Variants in CDKL3 observed in about 807,000 individuals in gnomAD.
The protein encoded by CDKL3 is cyclin dependent kinase like 3.
CDKL3 carries 65 observed loss-of-function variants against 69.3 expected under a neutral mutation model. The ratio of observed to expected loss-of-function variants is 0.94; its 90% confidence interval spans 0.77 to 1.15. The LOEUF is 1.15. Among genes scored for constraint, CDKL3 ranks in the 50% most tolerant of loss-of-function variants. CDKL3 has a pLI of 0.00. For synonymous variants in CDKL3, 202 were observed against 221.6 expected, an observed-to-expected ratio of 0.91 and a Z score of 0.79; for missense variants, 652 against 689.2, an observed-to-expected ratio of 0.95 and a Z score of 0.61.
downstream of CDKL3, among the ~76,000 whole-genome samples, chr5:134,295,177 C>A (rs184481392): frequency 2.6e-5 from 4 of 151,908 alleles, no homozygotes; most frequent in African/African-American, 9.7e-5. Context: ...CCACCACATA[C>A]AGCTAATTTT....
At chr5:134,355,831 A>G (rs1210108357) in intron 3 of CDKL3, among the ~76,000 whole-genome samples, 4 of 152,168 alleles carry the variant, frequency 2.6e-5, no homozygotes, top group African/African-American at 9.7e-5. Flanking sequence ...GCTGCTGTGG[A>G]GACATGGCAT....
chr5:134,321,940 T>G (rs1214215307), intron 4 of CDKL3, 37 bp from the exon 5 acceptor site: 1 of 1,076,350 alleles, frequency 9.3e-7, no homozygotes, highest in East Asian at 2.5e-5. Context: ...CACTTTTTCA[T>G]GTAGAAATTT....
At chr5:134,290,238 C>G (rs1040970911) in intron 8 of CDKL3, among the ~76,000 whole-genome samples, 1 of 151,084 alleles carries the variant, frequency 6.6e-6, no homozygotes, top group Non-Finnish European at 1.5e-5. Context: ...CCTGTAATCC[C>G]AGGTACTCGG....
At chr5:134,303,415 A>G (rs796488562) in intron 11 of CDKL3, among the ~76,000 whole-genome samples, 2 of 152,322 alleles carry the variant, frequency 1.3e-5, no homozygotes, top group African/African-American at 4.8e-5. Context: ...TGCTCAAAAT[A>G]CATATAAAAT....
chr5:134,367,082 C>A lies in CDKL3; in HGVS notation c.-127G>T. 4 of 986,618 alleles carry A rather than the reference C, an allele frequency of 4.1e-6. No homozygotes were observed. In the South Asian group the frequency reaches 1.9e-4, roughly 46 times the overall value. The allele number at this position is 986,618 out of a possible 1,614,324, so 61.1% of individuals were successfully genotyped here. A position where few individuals can be genotyped will look rare whatever the true frequency, so the allele number is the denominator to read the frequency against. On this transcript the variant is annotated 5_prime_UTR_variant, in exon 1 of 13. Transcript: ENST00000265334. Reference sequence around the variant, plus strand: ...CTGGCTCTGCGTAGTTCCAGTGGAGCCACCGAACACTGATACTACTTTGTT... The same window carrying A: ...CTGGCTCTGCGTAGTTCCAGTGGAGACACCGAACACTGATACTACTTTGTT...
intron 4 of CDKL3, among the ~76,000 whole-genome samples, chr5:134,323,485 A>T (rs1300317977): frequency 6.6e-6 from 1 of 152,226 alleles, no homozygotes; most frequent in African/African-American, 2.4e-5. Context: ...TTATACAACA[A>T]GCAAGATAGT....
intron 4 of CDKL3, among the ~76,000 whole-genome samples, chr5:134,337,703 T>A (rs1279153177): frequency 1.3e-5 from 2 of 152,142 alleles, no homozygotes; most frequent in South Asian, 2.1e-4. Context: ...TTTAAAATTT[T>A]AAAAAAATTG....
intron 4 of CDKL3, among the ~76,000 whole-genome samples, chr5:134,336,139 A>G (rs970230030): frequency 6.6e-6 from 1 of 152,158 alleles, no homozygotes; most frequent in Non-Finnish European, 1.5e-5. Context: ...TGTATGCTTC[A>G]TGAAGTTTTT....
chr5:134,295,011 C>CTTTTTTT (rs869256167), downstream of CDKL3, among the ~76,000 whole-genome samples: 26 of 100,412 alleles, frequency 2.6e-4, 1 homozygote, highest in South Asian at 3.3e-4. Flanking sequence ...ATTTTTTTTT[C>CTTTTTTT]TTTTTTTTTT....
At chr5:134,311,761 C>T (rs1417222830) in intron 7 of CDKL3, among the ~76,000 whole-genome samples, 5 of 152,028 alleles carry the variant, frequency 3.3e-5, no homozygotes, top group African/African-American at 4.8e-5. Context: ...AACTGTGTAA[C>T]GAATGTTAGT....
intron 4 of CDKL3, among the ~76,000 whole-genome samples, chr5:134,323,666 AAC>A (rs1773388452): frequency 6.6e-6 from 1 of 152,208 alleles, no homozygotes; most frequent in Non-Finnish European, 1.5e-5. Context: ...ACATACAAAA[AAC>A]TGAATCTAGA....
In CDKL3 at chr5:134,304,024, C is replaced by T. The variant is rs570462595; in HGVS notation, c.1621+381G>A. Among the ~76,000 whole-genome samples the T allele has an allele frequency of 2.6e-5, 4 of 151,522 alleles. No homozygotes were observed. The East Asian group carries it at 7.7e-4, about 29-fold the overall frequency. On this transcript the variant is annotated intron_variant, in intron 11 of 12. Transcript: ENST00000265334. The stretch of plus-strand genomic sequence containing the variant: ...TCATGGCTCACTGCAGTCTCAACTT[C>T]CTGGGTCAAGCAATCCTCCTACCTC...
At position 134,298,727 on chromosome 5, in the gene CDKL3, A is replaced by T; in HGVS notation, c.1720-17T>A. ...ATCTCCACCCTAAAATTAGAAACCA[A>T]GCTAGTAAGAATCAGGGACTGGAAT... On this transcript the variant is annotated splice_polypyrimidine_tract_variant and intron_variant, in intron 12 of 12. Coordinates refer to ENST00000265334, the MANE Select transcript of CDKL3 (RefSeq NM_001113575.2). The T allele has an allele frequency of 1.2e-6, 2 of 1,609,932 alleles. No homozygotes were observed. The highest frequency in any genetic ancestry group is 1.7e-6 in the Non-Finnish European group (2 of 1,178,256).
intron 5 of CDKL3, among the ~76,000 whole-genome samples, chr5:134,320,038 T>G (rs1428054390): frequency 6.6e-6 from 1 of 152,154 alleles, no homozygotes; most frequent in East Asian, 1.9e-4. Flanking sequence ...TGGGTAAATC[T>G]CTTGCTTTCT....
upstream of CDKL3, among the ~76,000 whole-genome samples, chr5:134,369,175 T>C (rs1345742928): frequency 6.6e-6 from 1 of 152,204 alleles, no homozygotes; most frequent in Non-Finnish European, 1.5e-5. Context: ...ATGGCAGGCC[T>C]GGTTAACAAG....
intron 4 of CDKL3, among the ~76,000 whole-genome samples, chr5:134,338,292 A>G (rs1045415906): frequency 1.3e-5 from 2 of 152,206 alleles, no homozygotes; most frequent in Non-Finnish European, 2.9e-5. Context: ...CTATACCTGT[A>G]TCACTGGAAT....
rs887700991 is a variant in CDKL3, at chr5:134,367,131, C to T, written c.-176G>A. The T allele has an allele frequency of 7.9e-5, 78 of 985,628 alleles. No individual in the cohort carries two copies. Among genetic ancestry groups the T allele is most frequent in the Admixed American group, 3.1e-4 (5 of 16,262 alleles). 61.1% of individuals were successfully genotyped at this position (985,628 alleles called of 1,614,324 possible). On this transcript the variant is annotated 5_prime_UTR_variant, in exon 1 of 13. Transcript: ENST00000265334. ...TTGCTCAGCCCCGCAAGGAACCGGC[C>T]ACTTGCCACCATGGAAACGCCGGCG... is the stretch of plus-strand genomic sequence containing the variant.
chr5:134,284,231 A>T (rs561099729), downstream of CDKL3, among the ~76,000 whole-genome samples: 10 of 152,342 alleles, frequency 6.6e-5, no homozygotes, highest in African/African-American at 2.2e-4. Context: ...TGTCTGAGAA[A>T]TAGAGAAAGA....
chr5:134,288,304 G>A (rs545876777), intron 8 of CDKL3, among the ~76,000 whole-genome samples: 1 of 152,308 alleles, frequency 6.6e-6, no homozygotes, highest in South Asian at 2.1e-4. Context: ...TTTTCTCAGG[G>A]TGGAAAAGAA....
Sources: gnomAD v4.1 joint callset for allele counts (sites outside exome capture counted in the v4.1 genomes callset) on GRCh38, gnomAD v4.1.1 for gene constraint, MANE v1.5 for transcripts, NCBI Gene and HGNC (gene_info 2026-07-23, HGNC 2026-07-21) for gene names.